Variants in MAP2 observed in about 807,000 individuals in gnomAD.
MAP2 encodes microtubule-associated protein 2.
Under a neutral mutation model 137.6 loss-of-function variants are expected in MAP2, and 14 were observed. The observed-to-expected ratio is 0.10, with a 90% CI of 0.07 to 0.16. The LOEUF (loss-of-function observed/expected upper bound fraction) is 0.16. Ranked by LOEUF, MAP2 falls within the 10% of genes least tolerant of loss-of-function variation. The pLI is 1.00. For missense variants in MAP2, 2,088 were observed against 2,191.5 expected (o/e 0.95, Z 0.94); for synonymous variants, 786 against 782.3 (o/e 1.00, Z -0.08).
chr2:209,565,295 G>A (rs2073136287), intron 2 of MAP2, among the ~76,000 whole-genome samples: 1 of 152,104 alleles, frequency 6.6e-6, no homozygotes, highest in South Asian at 2.1e-4. Context: ...ATGGCTTACT[G>A]TAGCCTCAAC....
intron 1 of MAP2, among the ~76,000 whole-genome samples, chr2:209,497,981 C>T (rs964255861): frequency 1.3e-5 from 2 of 152,158 alleles, no homozygotes; most frequent in Non-Finnish European, 2.9e-5. Context: ...CATGCTTTCC[C>T]AATGGTTCCC....
intron 4 of MAP2, among the ~76,000 whole-genome samples, chr2:209,634,249 A>T (rs1038372682): frequency 6.6e-6 from 1 of 152,178 alleles, no homozygotes; most frequent in African/African-American, 2.4e-5. Flanking sequence ...TGCTACTTCT[A>T]TTAGTCTCAT....
chr2:209,701,370 T>G (rs944858472), intron 11 of MAP2, among the ~76,000 whole-genome samples: 7 of 151,900 alleles, frequency 4.6e-5, no homozygotes, highest in African/African-American at 1.7e-4. Context: ...GAATTTTATT[T>G]TTATATTATT....
intron 3 of MAP2, among the ~76,000 whole-genome samples, chr2:209,593,775 T>C (rs1342698891): frequency 0.014 from 2 of 146 alleles, no homozygotes; most frequent in African/African-American, 0.016. Flanking sequence ...TAATATAATA[T>C]AATACATTAT....
chr2:209,441,368 A>T (rs72995679), intron 1 of MAP2, among the ~76,000 whole-genome samples: 1 of 151,744 alleles, frequency 6.6e-6, no homozygotes, highest in Non-Finnish European at 1.5e-5. Flanking sequence ...AACATTACTC[A>T]TAAATCCTTT....
chr2:209,680,798 C>T lies in MAP2; in HGVS notation c.425C>T (p.Ala142Val), dbSNP rs2054238739. Reference sequence around the variant, plus strand: ...CCTCCTTCTCCACCCCCATCACCTGCCTCAGAACAGACTGTCACAGTGGAG... The same window carrying T: ...CCTCCTTCTCCACCCCCATCACCTGTCTCAGAACAGACTGTCACAGTGGAG... ...NLPPSPPPSP[A>V]SEQTVTVEED... Residue 142 changes from alanine to valine, a missense_variant, in exon 7 of 16, where the codon GCC becomes GTC. Coordinates refer to ENST00000682079, the MANE Select transcript of MAP2 (RefSeq NM_001375505.1). The T allele has an allele frequency of 2.5e-6, 4 of 1,613,630 alleles. No individual in the cohort carries two copies. Among genetic ancestry groups the T allele is most frequent in the Non-Finnish European group, 3.4e-6 (4 of 1,179,674 alleles).
chr2:209,447,446 T>C (rs1162346003), intron 1 of MAP2, among the ~76,000 whole-genome samples: 1 of 152,054 alleles, frequency 6.6e-6, no homozygotes, highest in East Asian at 1.9e-4. Flanking sequence ...TAAAATGTAA[T>C]ATGTTATATA....
In MAP2 at chr2:209,710,922, TTTTCAAACCAG is replaced by T. The variant is rs1274759539; in HGVS notation, c.5073+669_5073+679del. ...GCTCCCCAGAGCAAACATTCATATC[TTTTCAAACCAG>T]GGGGTTTTGAGTTCTGTCTTGACCT... On this transcript the variant is annotated intron_variant, in intron 13 of 15. Coordinates refer to ENST00000682079, the MANE Select transcript of MAP2 (RefSeq NM_001375505.1). The T allele has an allele frequency of 9.2e-5, 14 of 152,490 alleles. 1 individual carries two copies. Among genetic ancestry groups the T allele is most frequent in the African/African-American group, 2.9e-4 (12 of 41,588 alleles). The allele number at this position is 152,490 out of a possible 1,614,324, so 9.4% of individuals were successfully genotyped here.
At chr2:209,570,568 C>G (rs949219486) in intron 2 of MAP2, among the ~76,000 whole-genome samples, 2 of 151,780 alleles carry the variant, frequency 1.3e-5, no homozygotes, top group Admixed American at 1.3e-4. Flanking sequence ...GAATAAATAA[C>G]TGAATGTAAA....
chr2:209,716,991 G>A (rs1465488402), intron 13 of MAP2, among the ~76,000 whole-genome samples: 1 of 151,958 alleles, frequency 6.6e-6, no homozygotes, highest in Non-Finnish European at 1.5e-5. Flanking sequence ...ATAGAAGAAA[G>A]GTGTCATAAG....
intron 4 of MAP2, among the ~76,000 whole-genome samples, chr2:209,648,039 T>A (rs1314356973): frequency 6.6e-6 from 1 of 152,012 alleles, no homozygotes; most frequent in African/African-American, 2.4e-5. Flanking sequence ...AGTATAATAG[T>A]CATAATACAA....
intron 4 of MAP2, among the ~76,000 whole-genome samples, chr2:209,635,941 A>G (rs1474530818): frequency 2.0e-5 from 3 of 152,180 alleles, no homozygotes; most frequent in African/African-American, 7.2e-5. Context: ...TTAAGTAGCC[A>G]GCAAGACCCC....
chr2:209,651,550 A>G (rs181957979), intron 4 of MAP2, among the ~76,000 whole-genome samples: 1 of 152,310 alleles, frequency 6.6e-6, no homozygotes, highest in East Asian at 1.9e-4. Context: ...TAAACTAAGC[A>G]TTGTTCTCAT....
intron 5 of MAP2, among the ~76,000 whole-genome samples, chr2:209,666,743 T>G (rs2046479602): frequency 6.6e-6 from 1 of 152,036 alleles, no homozygotes; most frequent in Admixed American, 6.6e-5. Context: ...GAATTTAATT[T>G]TTTTATGTGA....
intron 1 of MAP2, among the ~76,000 whole-genome samples, chr2:209,449,602 G>T (rs1699878931): frequency 6.6e-6 from 1 of 152,006 alleles, no homozygotes; most frequent in South Asian, 2.1e-4. Flanking sequence ...AGCAAATTAA[G>T]CATAAAATAA....
intron 2 of MAP2, among the ~76,000 whole-genome samples, chr2:209,534,158 G>A (rs1159026840): frequency 6.6e-6 from 1 of 152,252 alleles, no homozygotes; most frequent in Non-Finnish European, 1.5e-5. Flanking sequence ...GAGACCTTTT[G>A]TTAGTTTGCC....
At chr2:209,627,240 A>C (rs1282287312) in intron 4 of MAP2, among the ~76,000 whole-genome samples, 2 of 152,178 alleles carry the variant, frequency 1.3e-5, no homozygotes, top group Non-Finnish European at 2.9e-5. Flanking sequence ...GAAACTAAAA[A>C]AGAAATTTTT....
intron 1 of MAP2, among the ~76,000 whole-genome samples, chr2:209,491,820 A>G (rs1209118504): frequency 6.6e-6 from 1 of 152,210 alleles, no homozygotes; most frequent in African/African-American, 2.4e-5. Flanking sequence ...ACCAACCAAA[A>G]AAAACCCAGG....
rs564753664 is a variant in MAP2 at position 209,525,716 on chromosome 2, A to G, written c.-172+18075A>G. Among the ~76,000 whole-genome samples the G allele has an allele frequency of 4.6e-5, 7 of 152,298 alleles. No individual in the cohort carries two copies. The South Asian group carries it at 1.2e-3, about 27-fold the overall frequency. On this transcript the variant is annotated intron_variant, in intron 2 of 15. Transcript: ENST00000682079. Reference sequence around the variant, plus strand: ...GAAGATAAACTTTCAAAATTCCGCTAAATAAAAACTCCATTGTCCTTTCAA... The same window carrying G: ...GAAGATAAACTTTCAAAATTCCGCTGAATAAAAACTCCATTGTCCTTTCAA...
Sources: gnomAD v4.1 joint callset for allele counts (sites outside exome capture counted in the v4.1 genomes callset) on GRCh38, gnomAD v4.1.1 for gene constraint, MANE v1.5 for transcripts, NCBI Gene and HGNC (gene_info 2026-07-23, HGNC 2026-07-21) for gene names.